ERBB4: variants seen among roughly 807,000 people sequenced by gnomAD.
ERBB4 encodes receptor tyrosine-protein kinase erbB-4.
In ERBB4, 42 loss-of-function variants were observed where a neutral mutation model predicts 158.0. The observed-to-expected ratio is 0.27, with a 90% CI of 0.21 to 0.34. ERBB4 has a LOEUF of 0.34. Among genes scored for constraint, ERBB4 ranks in the 10% least tolerant of loss-of-function variants. ERBB4 has a pLI of 1.00. For synonymous variants in ERBB4, 583 were observed against 558.7 expected (o/e 1.04, Z -0.61); for missense variants, 1,333 against 1,624.1 (o/e 0.82, Z 3.08).
intron 5 of ERBB4, among the ~76,000 whole-genome samples, chr2:211,729,966 G>A (rs1420124247): frequency 1.3e-5 from 2 of 151,538 alleles, no homozygotes; most frequent in Non-Finnish European, 3.0e-5. Flanking sequence ...TCTTATATTC[G>A]GGTCAGTAAA....
chr2:212,060,995 T>C (rs1006630420), intron 2 of ERBB4, among the ~76,000 whole-genome samples: 3 of 144,566 alleles, frequency 2.1e-5, no homozygotes, highest in East Asian at 2.0e-4. Flanking sequence ...ATAAATAAAA[T>C]AAAAAAGTAA....
At position 211,377,188 on chromosome 2, in the gene ERBB4, C is replaced by G. The variant is rs1006268515; in HGVS notation, c.*6427G>C. The G allele has an allele frequency of 6.9e-5, 16 of 232,782 alleles. No homozygotes were observed. The highest frequency in any genetic ancestry group is 3.5e-4 in the African/African-American group (16 of 45,226). 14.4% of individuals were successfully genotyped at this position (232,782 alleles called of 1,614,324 possible). On this transcript the variant is annotated 3_prime_UTR_variant, in exon 28 of 28. Coordinates refer to ENST00000342788, the MANE Select transcript of ERBB4 (RefSeq NM_005235.3). ...TCACATTAAGGGAAAAGGACAACCC[C>G]CAATTAACTAAAAAATCTGGAAATG...
chr2:211,391,216 A>G (rs138916216), intron 25 of ERBB4, among the ~76,000 whole-genome samples: 388 of 152,332 alleles, frequency 2.5e-3, no homozygotes, highest in Non-Finnish European at 3.6e-3. Context: ...CCACACTTGA[A>G]GAGCTGAACT....
intron 4 of ERBB4, among the ~76,000 whole-genome samples, chr2:211,764,327 T>C (rs977905159): frequency 6.6e-6 from 1 of 152,210 alleles, no homozygotes; most frequent in Non-Finnish European, 1.5e-5. Context: ...CAAATTATTT[T>C]TAAGTCTAAA....
chr2:212,105,719 T>C (rs1202968908), intron 2 of ERBB4, among the ~76,000 whole-genome samples: 1 of 152,208 alleles, frequency 6.6e-6, no homozygotes, highest in Non-Finnish European at 1.5e-5. Flanking sequence ...TTGATATGGT[T>C]TAACTGTGTC....
intron 16 of ERBB4, among the ~76,000 whole-genome samples, chr2:211,650,756 G>A (rs964854664): frequency 6.6e-6 from 1 of 152,060 alleles, no homozygotes; most frequent in Non-Finnish European, 1.5e-5. Flanking sequence ...TTAAGAAGAT[G>A]AAATTAATTG....
At chr2:212,094,544 A>G (rs2125500521) in intron 2 of ERBB4, among the ~76,000 whole-genome samples, 1 of 151,470 alleles carries the variant, frequency 6.6e-6, no homozygotes, top group South Asian at 2.1e-4. Context: ...TGGCATGGCT[A>G]CAGTTAAATA....
At position 211,860,946 on chromosome 2, in the gene ERBB4, TTA is replaced by T. The variant is rs1268922014; in HGVS notation, c.422-72789_422-72788del. On this transcript the variant is annotated intron_variant, in intron 3 of 27. Transcript: ENST00000342788. ...GACAATATATTACATTATATATATTTTATATATATATAAATATATAAATATAT... is the reference window on the plus strand; with the variant it reads ...GACAATATATTACATTATATATATTTTATATATATAAATATATAAATATAT... 2.1e-3 allele frequency among the ~76,000 whole-genome samples: 164 copies of T among 76,634 alleles called. 13 individuals carry two copies. Among genetic ancestry groups the T allele is most frequent in the African/African-American group, 6.5e-3 (135 of 20,764 alleles). The allele number at this position is 76,634 out of a possible 152,430, so 50.3% of individuals were successfully genotyped here. A position where few individuals can be genotyped will look rare whatever the true frequency, so the allele number is the denominator to read the frequency against.
intron 4 of ERBB4, among the ~76,000 whole-genome samples, chr2:211,762,047 C>T (rs983028993): frequency 2.6e-5 from 4 of 152,312 alleles, no homozygotes; most frequent in Admixed American, 2.6e-4. Flanking sequence ...TTGAATATCA[C>T]ATGCAAAGTA....
rs183299373 is a variant in ERBB4 at position 211,866,436 on chromosome 2, C to T, written c.422-78277G>A. Among the ~76,000 whole-genome samples, 79 of 152,118 alleles carry T rather than the reference C, an allele frequency of 5.2e-4. 2 individuals carry two copies. The highest frequency in any genetic ancestry group is 1.7e-3 in the African/African-American group (69 of 41,488). On this transcript the variant is annotated intron_variant, in intron 3 of 27. Coordinates refer to ENST00000342788, the MANE Select transcript of ERBB4 (RefSeq NM_005235.3). Reference sequence around the variant, plus strand: ...GCCTGCCTTAAATGTTTTATAGAATCTAGTATCAAAAATCTAAGCTCTACA... The same window carrying T: ...GCCTGCCTTAAATGTTTTATAGAATTTAGTATCAAAAATCTAAGCTCTACA...
chr2:211,920,063 A>G (rs2079815950), intron 3 of ERBB4, among the ~76,000 whole-genome samples: 1 of 151,978 alleles, frequency 6.6e-6, no homozygotes, highest in Non-Finnish European at 1.5e-5. Context: ...AAATTAATGT[A>G]CTGTGGTAAA....
intron 4 of ERBB4, among the ~76,000 whole-genome samples, chr2:211,760,215 G>A (rs549029340): frequency 6.6e-6 from 1 of 152,262 alleles, no homozygotes; most frequent in East Asian, 1.9e-4. Context: ...AATAGATGAG[G>A]GGATTTGTAG....
intron 14 of ERBB4, among the ~76,000 whole-genome samples, chr2:211,667,225 CA>C (rs2071666720): frequency 6.6e-6 from 1 of 152,072 alleles, no homozygotes; most frequent in African/African-American, 2.4e-5. Flanking sequence ...TTGTCCTACA[CA>C]AATGTTAATC....
At position 211,704,083 on chromosome 2, in the gene ERBB4, GC is replaced by G; in HGVS notation, c.1289+20del. ...CCTCTTGAAATCTGTGAGCCCTGCA[GC>G]TTTAAACATATCCACTTACCTATAG... On this transcript the variant is annotated intron_variant, in intron 11 of 27. Transcript: ENST00000342788. The G allele has an allele frequency of 7.2e-7, 1 of 1,381,584 alleles. No homozygotes were observed. 85.6% of individuals were successfully genotyped at this position (1,381,584 alleles called of 1,614,324 possible).
intron 2 of ERBB4, among the ~76,000 whole-genome samples, chr2:211,997,751 T>C (rs911074425): frequency 2.0e-5 from 3 of 152,012 alleles, no homozygotes; most frequent in Admixed American, 6.6e-5. Context: ...GAAAAAACCA[T>C]GTTGACTGCA....
intron 25 of ERBB4, among the ~76,000 whole-genome samples, chr2:211,419,577 C>CTACT (rs775828610): frequency 2.0e-5 from 3 of 152,058 alleles, no homozygotes; most frequent in Non-Finnish European, 4.4e-5. Flanking sequence ...CACAAATTTA[C>CTACT]TACTTCTTCA....
intron 1 of ERBB4, among the ~76,000 whole-genome samples, chr2:212,152,893 G>A (rs1306470512): frequency 6.6e-6 from 1 of 152,118 alleles, no homozygotes; most frequent in Non-Finnish European, 1.5e-5. Flanking sequence ...AGAAGTAAGA[G>A]TGTGTAGTTC....
At chr2:212,462,400 T>C in intron 1 of ERBB4, among the ~76,000 whole-genome samples, 1 of 151,944 alleles carries the variant, frequency 6.6e-6, no homozygotes, top group East Asian at 1.9e-4. Context: ...CTCAAACAAC[T>C]CAACAGCAAA....
At chr2:212,335,850 A>G (rs2088414534) in intron 1 of ERBB4, among the ~76,000 whole-genome samples, 1 of 152,036 alleles carries the variant, frequency 6.6e-6, no homozygotes, top group South Asian at 2.1e-4. Flanking sequence ...ACTAGTTTTA[A>G]TAGGCATTTC....
Sources: gnomAD v4.1 joint callset for allele counts (sites outside exome capture counted in the v4.1 genomes callset) on GRCh38, gnomAD v4.1.1 for gene constraint, MANE v1.5 for transcripts, NCBI Gene and HGNC (gene_info 2026-07-23, HGNC 2026-07-21) for gene names.